Variants in UTP4 observed in about 807,000 individuals in gnomAD.
The protein encoded by UTP4 is U3 small nucleolar RNA-associated protein 4 homolog.
UTP4 carries 45 observed loss-of-function variants against 82.4 expected under a neutral mutation model. The ratio of observed to expected loss-of-function variants is 0.55; its 90% CI spans 0.43 to 0.70. The LOEUF is 0.70. Among genes scored for constraint, UTP4 ranks in the 30% least tolerant of loss-of-function variants. UTP4 has a pLI of 0.00. For synonymous variants in UTP4, 348 were observed against 300.3 expected (o/e 1.16, Z -1.64); for missense variants, 819 against 858.3 (o/e 0.95, Z 0.57).
intron 3 of UTP4, 102 bp from the exon 4 acceptor site, chr16:69,137,697 AAG>A (rs1421498232): frequency 5.4e-6 from 4 of 736,384 alleles, no homozygotes; most frequent in Admixed American, 2.1e-5. Context: ...TTTAAGGAGG[AAG>A]AGAGAATAGA....
At chr16:69,143,918 A>G in intron 6 of UTP4, among the ~76,000 whole-genome samples, 1 of 151,166 alleles carries the variant, frequency 6.6e-6, no homozygotes, top group Non-Finnish European at 1.5e-5. Flanking sequence ...ATGGAGTTTC[A>G]TTCTTGTCGC....
At chr16:69,140,146 A>C (rs187941603) in intron 5 of UTP4, among the ~76,000 whole-genome samples, 11 of 152,332 alleles carry the variant, frequency 7.2e-5, no homozygotes, top group African/African-American at 2.6e-4. Flanking sequence ...TCGTAATAAG[A>C]ATTCACAATA....
chr16:69,143,156 G>C (rs200477665), intron 5 of UTP4, 22 bp from the exon 6 acceptor site: 1 of 1,608,914 alleles, frequency 6.2e-7, no homozygotes, highest in East Asian at 2.2e-5. Flanking sequence ...CCATTTGAAG[G>C]TGTGCTTTTC....
At chr16:69,152,476 T>C (rs575649274) in intron 8 of UTP4, among the ~76,000 whole-genome samples, 2,975 of 143,032 alleles carry the variant, frequency 0.021, 27 homozygotes, top group Non-Finnish European at 0.027. Context: ...TTTTTTTTTT[T>C]TTTTTTTTTT....
At chr16:69,152,371 T>C (rs769298514) in intron 8 of UTP4, among the ~76,000 whole-genome samples, 6 of 152,026 alleles carry the variant, frequency 3.9e-5, no homozygotes, top group Non-Finnish European at 8.8e-5. Flanking sequence ...CTGTAACCTC[T>C]GCTTCTTGAG....
At chr16:69,147,101 C>T (rs1169250805) in intron 6 of UTP4, among the ~76,000 whole-genome samples, 3 of 147,386 alleles carry the variant, frequency 2.0e-5, no homozygotes, top group Admixed American at 6.8e-5. Context: ...TGCTTGAACC[C>T]GGGAGATAGA....
chr16:69,158,264 C>T (rs1963475956), intron 12 of UTP4, among the ~76,000 whole-genome samples: 1 of 149,328 alleles, frequency 6.7e-6, no homozygotes, highest in Non-Finnish European at 1.5e-5. Flanking sequence ...CTCACCCTCC[C>T]CAGGCTCAGA....
chr16:69,159,834 A>C (rs1275354811), intron 12 of UTP4, among the ~76,000 whole-genome samples: 1 of 152,136 alleles, frequency 6.6e-6, no homozygotes, highest in Non-Finnish European at 1.5e-5. Context: ...CTAAAAATAC[A>C]AAAATTAGCC....
intron 6 of UTP4, among the ~76,000 whole-genome samples, chr16:69,144,013 C>G (rs751170703): frequency 2.0e-5 from 3 of 151,322 alleles, no homozygotes; most frequent in Non-Finnish European, 4.4e-5. Context: ...TCAGCCTCCC[C>G]AGTAGCTCGG....
chr16:69,151,473 C>T (rs2152280512), intron 8 of UTP4, among the ~76,000 whole-genome samples: 1 of 152,118 alleles, frequency 6.6e-6, no homozygotes, highest in African/African-American at 2.4e-5. Context: ...AGGTGCCCAC[C>T]ACCACGCCCG....
chr16:69,165,946 T>A (rs1963691675), intron 15 of UTP4: 1 of 328,864 alleles, frequency 3.0e-6, no homozygotes. Context: ...AGGTACAGGC[T>A]GAGGTTTTGA....
intron 10 of UTP4, among the ~76,000 whole-genome samples, chr16:69,154,704 TTTTATTTATTTATTTATTTA>T (rs34852514): frequency 6.8e-6 from 1 of 147,024 alleles, no homozygotes; most frequent in East Asian, 1.9e-4. Flanking sequence ...AATAATGTGC[TTTTATTTATTTATTTATTTA>T]TTTATTTATT....
At chr16:69,150,959 C>T in intron 8 of UTP4, 55 bp downstream of exon 8, 1 of 1,340,574 alleles carries the variant, frequency 7.5e-7, no homozygotes, top group Non-Finnish European at 1.1e-6. Flanking sequence ...CCCTGTGTCC[C>T]CCTGTCCCAC....
chr16:69,135,362 A>G (rs1182610767), intron 2 of UTP4, among the ~76,000 whole-genome samples: 1 of 151,962 alleles, frequency 6.6e-6, no homozygotes, highest in Non-Finnish European at 1.5e-5. Flanking sequence ...CTTTCCTACT[A>G]GATACGATTG....
intron 8 of UTP4, among the ~76,000 whole-genome samples, chr16:69,153,340 A>G (rs1433716203): frequency 1.3e-5 from 2 of 152,096 alleles, no homozygotes; most frequent in Admixed American, 6.6e-5. Context: ...ACTGAAGTCT[A>G]ATTGCTGATT....
At chr16:69,156,822 C>G (rs1963427630) in intron 11 of UTP4, among the ~76,000 whole-genome samples, 1 of 152,204 alleles carries the variant, frequency 6.6e-6, no homozygotes. Flanking sequence ...GGGTAATGCC[C>G]TACAGGCAAT....
chr16:69,167,197 T>C lies in UTP4; in HGVS notation c.1944+12T>C. 3.9e-6 allele frequency: 6 copies of C among 1,523,596 alleles called. No individual in the cohort carries two copies. The South Asian group carries it at 5.6e-5, about 14-fold the overall frequency. The allele number at this position is 1,523,596 out of a possible 1,614,324, so 94.4% of individuals were successfully genotyped here. On this transcript the variant is annotated intron_variant, in intron 16 of 16. Coordinates refer to ENST00000314423, the MANE Select transcript of UTP4 (RefSeq NM_032830.3). The stretch of plus-strand genomic sequence containing the variant: ...CTAAGATATATAAGGTAAAACATCT[T>C]GTGTTGTTATTCTGGATAGTTGGTT...
Position 69,139,893 on chromosome 16 carries a change from A to T in UTP4, c.505A>T (p.Ser169Cys), listed in dbSNP as rs1360649427. 1 of 1,612,754 alleles carries T rather than the reference A, an allele frequency of 6.2e-7. No homozygotes were observed. Among genetic ancestry groups the T allele is most frequent in the Non-Finnish European group, 8.5e-7 (1 of 1,178,980 alleles). ...TGCAGCTGGTTCCATAGACTACATT[A>T]GTGTGTTTGATGTCAAATCAGGTGA... is the stretch of plus-strand genomic sequence containing the variant. ...HIAAGSIDYI[S>C]VFDVKSGSAV... The change falls in exon 5 of 17, where the codon AGT (serine) becomes TGT (cysteine). Residue 169 changes from serine to cysteine, a missense_variant. Transcript: ENST00000314423.
chr16:69,134,312 T>C (rs564049044), intron 2 of UTP4, among the ~76,000 whole-genome samples: 5 of 152,078 alleles, frequency 3.3e-5, no homozygotes, highest in African/African-American at 1.2e-4. Flanking sequence ...TACCTGGAAT[T>C]TAGGCATTCT....
Sources: allele counts gnomAD v4.1 joint callset (sites outside exome capture counted in the v4.1 genomes callset), GRCh38; gene constraint gnomAD v4.1.1; transcripts MANE v1.5; gene names NCBI Gene and HGNC (gene_info 2026-07-23, HGNC 2026-07-21).